Variants in ZNF793 observed in about 807,000 individuals in gnomAD.
ZNF793 encodes zinc finger protein 793.
A neutral mutation model predicts 12.4 loss-of-function variants in ZNF793; 5 were observed. The ratio of observed to expected loss-of-function variants is 0.40; its 90% confidence interval spans 0.21 to 0.84. The LOEUF (loss-of-function observed/expected upper bound fraction) is 0.84. ZNF793 is among the 40% of genes least tolerant of loss of function. The pLI is 0.35. For missense variants in ZNF793, 456 were observed against 495.0 expected (o/e 0.92, Z 0.75); for synonymous variants, 162 against 172.4 (o/e 0.94, Z 0.47).
Position 37,541,749 on chromosome 19 carries a change from T to A in ZNF793, c.*3870T>A, listed in dbSNP as rs1278609325. 6.6e-6 allele frequency: 1 copy of A among 152,142 alleles called. No individual in the cohort carries two copies. Among genetic ancestry groups the A allele is most frequent in the Non-Finnish European group, 1.5e-5 (1 of 68,038 alleles). 9.4% of individuals were successfully genotyped at this position (152,142 alleles called of 1,614,324 possible). On this transcript the variant is annotated 3_prime_UTR_variant, in exon 8 of 8. Transcript: ENST00000627814. Reference sequence around the variant, plus strand: ...CGTAGAATCTTTTGGTACAATCTTTTGGGTGACAAAAGATGCCATCAGCAA... The same window carrying A: ...CGTAGAATCTTTTGGTACAATCTTTAGGGTGACAAAAGATGCCATCAGCAA...
At chr19:37,529,902 G>A (rs2042444250) in intron 5 of ZNF793, among the ~76,000 whole-genome samples, 1 of 151,986 alleles carries the variant, frequency 6.6e-6, no homozygotes, top group Admixed American at 6.6e-5. Flanking sequence ...TATAGAGAAA[G>A]AAATAATGGG....
Position 37,542,558 on chromosome 19 carries a change from C to A in ZNF793, c.*4679C>A. On this transcript the variant is annotated 3_prime_UTR_variant, in exon 8 of 8. Transcript: ENST00000627814. ...CTTAATGGCAAAAAAACCCCCAAAA[C>A]CAAAGCAAACACTAGAATCAAAGTA... is the stretch of plus-strand genomic sequence containing the variant. 3.0e-6 allele frequency: 1 copy of A among 334,770 alleles called. No individual in the cohort carries two copies. The highest frequency in any genetic ancestry group is 6.0e-6 in the Non-Finnish European group (1 of 166,610). The allele number at this position is 334,770 out of a possible 1,614,324, so 20.7% of individuals were successfully genotyped here.
chr19:37,536,304 C>T (rs2042504285), intron 7 of ZNF793: 1 of 396,574 alleles, frequency 2.5e-6, no homozygotes, highest in South Asian at 1.4e-4. Flanking sequence ...ATCACCGGGG[C>T]ATCTTGTTGA....
At chr19:37,527,816 A>G (rs2042427950) in intron 5 of ZNF793, among the ~76,000 whole-genome samples, 1 of 152,176 alleles carries the variant, frequency 6.6e-6, no homozygotes, top group Admixed American at 6.6e-5. Context: ...CAGCAAAAGC[A>G]TACAGATTAA....
chr19:37,526,461 G>T (rs2042416759), intron 5 of ZNF793, among the ~76,000 whole-genome samples: 1 of 152,116 alleles, frequency 6.6e-6, no homozygotes. Flanking sequence ...TGTGGAAATG[G>T]CATGGCTTCC....
At chr19:37,521,209 A>G (rs1423963792) in intron 3 of ZNF793, among the ~76,000 whole-genome samples, 1 of 151,936 alleles carries the variant, frequency 6.6e-6, no homozygotes, top group Non-Finnish European at 1.5e-5. Flanking sequence ...GAATGGTCTC[A>G]ATCTCCTGAC....
At chr19:37,516,796 C>T (rs897081073) in intron 2 of ZNF793, among the ~76,000 whole-genome samples, 1 of 152,074 alleles carries the variant, frequency 6.6e-6, no homozygotes, top group Non-Finnish European at 1.5e-5. Context: ...ACAGGTGTGA[C>T]CACCACACCC....
At chr19:37,527,737 T>G (rs1454608299) in intron 5 of ZNF793, among the ~76,000 whole-genome samples, 1 of 152,188 alleles carries the variant, frequency 6.6e-6, no homozygotes, top group Non-Finnish European at 1.5e-5. Context: ...AAAACACTTT[T>G]GGGTTTTCTA....
At chr19:37,521,872 C>T (rs2042379000) in intron 3 of ZNF793, among the ~76,000 whole-genome samples, 1 of 152,098 alleles carries the variant, frequency 6.6e-6, no homozygotes, top group Non-Finnish European at 1.5e-5. Context: ...TCCTCTCTTT[C>T]TATATACAAA....
chr19:37,532,531 T>G, intron 6 of ZNF793, 49 bp downstream of exon 6: 1 of 1,511,612 alleles, frequency 6.6e-7, no homozygotes, highest in Admixed American at 2.2e-5. Flanking sequence ...AATGACCACC[T>G]TTCCTTTCTC....
In ZNF793 at chr19:37,537,477, C is replaced by G; in HGVS notation, c.819C>G (p.His273Gln). Residue 273 changes from histidine to glutamine, a missense_variant, in exon 8 of 8, where the codon CAC becomes CAG. By Grantham distance (24) the His-to-Gln change is conservative. Transcript: ENST00000627814. ...CACATAAGTCAACCCTCATCAAACA[C>G]CAGAGAATTCACACTGGGGTAAGAC... is the stretch of plus-strand genomic sequence containing the variant. The part of the protein sequence containing the change: ...AFSHKSTLIK[H>Q]QRIHTGVRPF... 8 of 1,613,888 alleles carry G rather than the reference C, an allele frequency of 5.0e-6. No individual in the cohort carries two copies. The highest frequency in any genetic ancestry group is 6.8e-6 in the Non-Finnish European group (8 of 1,179,872).
Position 37,537,184 on chromosome 19 carries a change from A to G in ZNF793, c.526A>G (p.Ile176Val). The G allele has an allele frequency of 6.2e-7, 1 of 1,613,814 alleles. No individual in the cohort carries two copies. Among genetic ancestry groups the G allele is most frequent in the Non-Finnish European group, 8.5e-7 (1 of 1,179,762 alleles). Residue 176 changes from isoleucine (I) to valine (V), a missense_variant, in exon 8 of 8, where the codon ATA (isoleucine) becomes GTA (valine). By Grantham distance (29) the Ile-to-Val change is conservative. Coordinates refer to ENST00000627814, the MANE Select transcript of ZNF793 (RefSeq NM_001013659.3). ...CYAYGKLLQR[I>V]NHGRRPNGEK... ...TGCTTATGGGAAATTGCTTCAGCGT[A>G]TAAATCATGGTAGACGACCTAATGG... is the stretch of plus-strand genomic sequence containing the variant.
intron 5 of ZNF793, among the ~76,000 whole-genome samples, chr19:37,528,317 C>T (rs1263910917): frequency 6.6e-6 from 1 of 152,054 alleles, no homozygotes; most frequent in Admixed American, 6.6e-5. Flanking sequence ...TGCACCTAGG[C>T]CCTGGTGTCC....
intron 6 of ZNF793, among the ~76,000 whole-genome samples, chr19:37,532,688 G>A (rs139885441): frequency 3.9e-4 from 60 of 152,100 alleles, no homozygotes; most frequent in African/African-American, 1.3e-3. Context: ...GTGTGGTGGC[G>A]GGCGCCTGTA....
At chr19:37,511,062 C>T (rs2042291472) in intron 2 of ZNF793, among the ~76,000 whole-genome samples, 1 of 152,048 alleles carries the variant, frequency 6.6e-6, no homozygotes, top group Non-Finnish European at 1.5e-5. Flanking sequence ...CTTTAAGGTG[C>T]AGCTCAATGA....
At chr19:37,515,741 C>T (rs2042327046) in intron 2 of ZNF793, among the ~76,000 whole-genome samples, 1 of 152,168 alleles carries the variant, frequency 6.6e-6, no homozygotes, top group Admixed American at 6.5e-5. Flanking sequence ...AAGCATAAAA[C>T]ATTGCATTTT....
Position 37,523,410 on chromosome 19 carries a change from G to T in ZNF793, c.-30G>T, listed in dbSNP as rs374475379. 62 of 1,611,346 alleles carry T rather than the reference G, an allele frequency of 3.8e-5. No homozygotes were observed. The highest frequency in any genetic ancestry group is 5.3e-5 in the Non-Finnish European group (62 of 1,177,712). ...TCTTCTTCCCCCCACATGTCTACAGGTGTCAGATCTTTTTCAAGAACAGCA... is the reference window on the plus strand; with the variant it reads ...TCTTCTTCCCCCCACATGTCTACAGTTGTCAGATCTTTTTCAAGAACAGCA... On this transcript the variant is annotated splice_region_variant and 5_prime_UTR_variant, in exon 5 of 8. Coordinates refer to ENST00000627814, the MANE Select transcript of ZNF793 (RefSeq NM_001013659.3).
At chr19:37,530,176 C>A (rs1452244165) in intron 5 of ZNF793, among the ~76,000 whole-genome samples, 1 of 152,184 alleles carries the variant, frequency 6.6e-6, no homozygotes, top group Non-Finnish European at 1.5e-5. Context: ...CCGCATGTCC[C>A]ACCTCCAGCC....
chr19:37,526,116 C>A (rs1488529748), intron 5 of ZNF793, among the ~76,000 whole-genome samples: 2 of 152,108 alleles, frequency 1.3e-5, no homozygotes, highest in African/African-American at 4.8e-5. Context: ...TCCTTCTACC[C>A]AGTCACCATG....
Sources: allele counts gnomAD v4.1 joint callset (sites outside exome capture counted in the v4.1 genomes callset), GRCh38; gene constraint gnomAD v4.1.1; transcripts MANE v1.5; gene names NCBI Gene and HGNC (gene_info 2026-07-23, HGNC 2026-07-21).